FDFT1: variants seen among roughly 807,000 people sequenced by gnomAD.
FDFT1 encodes squalene synthase.
Under a neutral mutation model 46.8 loss-of-function variants are expected in FDFT1, and 68 were observed. That is an observed-to-expected ratio of 1.45 (90% CI 1.19 to 1.78). The LOEUF (loss-of-function observed/expected upper bound fraction) is 1.78, where lower values mean the gene tolerates loss of function less well. Ranked by LOEUF, FDFT1 falls within the 40% of genes most tolerant of loss-of-function variation. The probability of loss-of-function intolerance (pLI) is 0.00; values close to 1 mark genes in which losing one functional copy is unlikely to be tolerated. For synonymous variants in FDFT1, 351 were observed against 185.1 expected (o/e 1.90, Z -7.28); for missense variants, 928 against 524.4 (o/e 1.77, Z -7.52).
Position 11,830,300 on chromosome 8 carries a change from C to G in FDFT1, c.759C>G (p.Asp253Glu). The change falls in exon 6 of 8, where the codon GAC becomes GAG. Residue 253 changes from aspartate (D) to glutamate (E), a missense_variant. Coordinates refer to ENST00000220584, the MANE Select transcript of FDFT1 (RefSeq NM_004462.5). Reference protein sequence around the residue: ...LGDFAKPENIDLAVQCLNELI... With the variant: ...LGDFAKPENIELAVQCLNELI... ...ATTTTGCTAAGCCGGAGAATATTGACTTGGCCGTGCAGTGCCTGAATGAAC... is the reference window on the plus strand; with the variant it reads ...ATTTTGCTAAGCCGGAGAATATTGAGTTGGCCGTGCAGTGCCTGAATGAAC... 3 of 1,613,932 alleles carry G rather than the reference C, an allele frequency of 1.9e-6. No individual in the cohort carries two copies. The highest frequency in any genetic ancestry group is 2.2e-5 in the East Asian group (1 of 44,892).
chr8:11,808,516 C>T (rs1169336498), intron 1 of FDFT1: 4 of 1,333,302 alleles, frequency 3.0e-6, no homozygotes, highest in East Asian at 6.0e-5. Context: ...TCCGCGATTC[C>T]CATGGCCGCA....
upstream of FDFT1, among the ~76,000 whole-genome samples, chr8:11,799,730 G>T (rs1320721061): frequency 1.3e-5 from 2 of 151,930 alleles, no homozygotes; most frequent in East Asian, 3.9e-4. Context: ...GGCGGATCAC[G>T]AGGTCAAGAG....
chr8:11,814,619 C>G (rs897093476), intron 3 of FDFT1, among the ~76,000 whole-genome samples: 2 of 152,074 alleles, frequency 1.3e-5, no homozygotes, highest in African/African-American at 4.8e-5. Flanking sequence ...GAACTTAAAA[C>G]AAGATATTTG....
chr8:11,797,583 A>G (rs1226509268), upstream of FDFT1, among the ~76,000 whole-genome samples: 2 of 133,420 alleles, frequency 1.5e-5, no homozygotes, highest in Non-Finnish European at 3.1e-5. Flanking sequence ...CCTTAATCCT[A>G]GGAGTTTGAG....
chr8:11,828,293 AAAC>A, intron 5 of FDFT1, among the ~76,000 whole-genome samples: 1 of 100,030 alleles, frequency 1.0e-5, no homozygotes, highest in Non-Finnish European at 2.7e-5. Flanking sequence ...CCTTGTCTCA[AAAC>A]AAACAAACAA....
chr8:11,831,604 G>A lies in FDFT1; in HGVS notation c.966G>A (p.Val322=). 1 of 1,614,002 alleles carries A rather than the reference G, an allele frequency of 6.2e-7. No homozygotes were observed. The highest frequency in any genetic ancestry group is 1.1e-5 in the South Asian group (1 of 91,086). ...GAVKIRKGQA[V]TLMMDATNMP... ...TGAAGATTCGGAAAGGGCAAGCAGT[G>A]ACCCTGATGATGGATGCCACCAATA... is the stretch of plus-strand genomic sequence containing the variant. Residue 322 remains valine, a synonymous_variant, in exon 7 of 8, where the codon GTG becomes GTA. Coordinates refer to ENST00000220584, the MANE Select transcript of FDFT1 (RefSeq NM_004462.5).
At chr8:11,796,879 G>C (rs1282385940) in intron 1 of FDFT1, among the ~76,000 whole-genome samples, 18 of 152,246 alleles carry the variant, frequency 1.2e-4, no homozygotes, top group Admixed American at 1.2e-3. Context: ...CTTCATTAAA[G>C]AGGCAGTGTG....
intron 3 of FDFT1, among the ~76,000 whole-genome samples, chr8:11,819,515 G>A (rs1205487600): frequency 1.3e-5 from 2 of 151,962 alleles, no homozygotes; most frequent in Admixed American, 6.6e-5. Flanking sequence ...TCACATAGTC[G>A]CATATTTATT....
chr8:11,814,147 C>A (rs1188335529), intron 3 of FDFT1, among the ~76,000 whole-genome samples: 2 of 152,152 alleles, frequency 1.3e-5, no homozygotes, highest in African/African-American at 4.8e-5. Context: ...TGAGCAGAGT[C>A]CAACGGAGAT....
rs1397493700 is a variant in FDFT1, at chr8:11,830,458, A to G, written c.879+38A>G. On this transcript the variant is annotated intron_variant, in intron 6 of 7. Transcript: ENST00000220584. ...GCTCCTCTGGGTGGATACGGGGCTA[A>G]AGGGAGTGGGGTAGGAGTAAGGGTG... is the stretch of plus-strand genomic sequence containing the variant. 3 of 1,470,564 alleles carry G rather than the reference A, an allele frequency of 2.0e-6. No homozygotes were observed. The East Asian group carries it at 6.8e-5, about 33-fold the overall frequency. 91.1% of individuals were successfully genotyped at this position (1,470,564 alleles called of 1,614,324 possible).
At chr8:11,801,653 C>G (rs945211569), upstream of FDFT1, 2 of 248,060 alleles carry the variant, frequency 8.1e-6, no homozygotes, top group African/African-American at 4.8e-5. Context: ...TTACTGGTTG[C>G]TGTGTTAAAA....
upstream of FDFT1, chr8:11,802,733 A>T (rs1806285859): frequency 2.2e-6 from 2 of 896,446 alleles, no homozygotes; most frequent in Admixed American, 4.2e-5. Context: ...CTGTCCGGCC[A>T]GCCCCTCGAA....
In FDFT1 at chr8:11,838,525, C is replaced by A. The variant is rs1563351679; in HGVS notation, c.1170C>A (p.Val390=). The A allele has an allele frequency of 6.2e-7, 1 of 1,609,310 alleles. No individual in the cohort carries two copies. ...ACTCCCCCATCTACCTGTCGTTTGT[C>A]ATGCTTTTGGCTGCCCTGAGCTGGC... ...SHYSPIYLSF[V]MLLAALSWQY... is the part of the protein sequence containing the mutation. The change falls in exon 8 of 8, where the codon GTC becomes GTA. Residue 390 remains valine (V), a synonymous_variant. Transcript: ENST00000220584.
chr8:11,802,996 G>A (rs1037653342), intron 1 of FDFT1, 65 bp downstream of exon 1: 6 of 1,540,838 alleles, frequency 3.9e-6, no homozygotes, highest in Admixed American at 2.0e-5. Context: ...CTCAGGGCCT[G>A]AGCGGCCGGG....
At position 11,825,456 on chromosome 8, in the gene FDFT1, C is replaced by G. The variant is rs1809827940; in HGVS notation, c.511-568C>G. Among the ~76,000 whole-genome samples the G allele has an allele frequency of 2.0e-5, 3 of 149,878 alleles. 1 individual carries two copies. The highest frequency in any genetic ancestry group is 2.1e-4 in the South Asian group (1 of 4,772). On this transcript the variant is annotated intron_variant, in intron 4 of 7. Transcript: ENST00000220584. ...TCAGGAAGCTGAGGCAGGAGAATCA[C>G]TTGAACCCAAGAGGCAGAGGTTGCA... is the stretch of plus-strand genomic sequence containing the variant.
At chr8:11,829,535 C>G (rs190315076) in intron 5 of FDFT1, among the ~76,000 whole-genome samples, 87 of 152,316 alleles carry the variant, frequency 5.7e-4, no homozygotes, top group Non-Finnish European at 9.6e-4. Context: ...GCCTGGCCAT[C>G]TTGAGAAGGT....
intron 3 of FDFT1, among the ~76,000 whole-genome samples, chr8:11,817,417 T>TTGAG (rs1384734942): frequency 6.6e-6 from 1 of 152,198 alleles, no homozygotes; most frequent in Non-Finnish European, 1.5e-5. Flanking sequence ...TCTTTTTCTA[T>TTGAG]TGGAATAGTT....
chr8:11,829,145 ACTT>A (rs1233695647), intron 5 of FDFT1, among the ~76,000 whole-genome samples: 2 of 133,498 alleles, frequency 1.5e-5, no homozygotes, highest in Non-Finnish European at 3.3e-5. Flanking sequence ...TTTCACCAGC[ACTT>A]GTTGTTATCT....
rs554067481 is a variant in FDFT1 at position 11,825,990 on chromosome 8, A to G, written c.511-34A>G. 2.1e-4 allele frequency: 309 copies of G among 1,466,596 alleles called. 2 individuals carry two copies. The South Asian group carries it at 4.3e-3, about 20-fold the overall frequency. The allele number at this position is 1,466,596 out of a possible 1,614,324, so 90.8% of individuals were successfully genotyped here. A position where few individuals can be genotyped will look rare whatever the true frequency, so the allele number is the denominator to read the frequency against. On this transcript the variant is annotated intron_variant, in intron 4 of 7. Coordinates refer to ENST00000220584, the MANE Select transcript of FDFT1 (RefSeq NM_004462.5). ...GTGTGTCCATTTCAGTAAAAATTCC[A>G]TTATTAAAGTGCTTTAAAAATCGTC...
Sources: gnomAD v4.1 joint callset for allele counts (sites outside exome capture counted in the v4.1 genomes callset) on GRCh38, gnomAD v4.1.1 for gene constraint, MANE v1.5 for transcripts, NCBI Gene and HGNC (gene_info 2026-07-23, HGNC 2026-07-21) for gene names.